Variants in ZNF568 observed in about 807,000 individuals in gnomAD.
ZNF568 encodes the protein zinc finger protein 568, also known as p53 inhibitor of SCO2 activation.
In ZNF568, 11 loss-of-function variants were observed where a neutral mutation model predicts 18.1. The ratio of observed to expected loss-of-function variants is 0.61; its 90% confidence interval spans 0.38 to 1.00. ZNF568 has a LOEUF of 1.00. Among genes scored for constraint, ZNF568 ranks in the 50% least tolerant of loss-of-function variants. ZNF568 has a pLI of 0.01. For missense variants in ZNF568, 639 were observed against 768.2 expected (o/e 0.83, Z 1.99); for synonymous variants, 213 against 246.6 (o/e 0.86, Z 1.28).
Position 36,951,223 on chromosome 19 carries a change from ATACCATATAC to A in ZNF568, c.*136_*145del. On this transcript the variant is annotated 3_prime_UTR_variant, in exon 7 of 7. Coordinates refer to ENST00000333987, the MANE Select transcript of ZNF568 (RefSeq NM_198539.4). Reference sequence around the variant, plus strand: ...GTAAGACTGGAATAAATGGAAAGAAATACCATATACATAGATGGAAAAACCCAGTATTATA... The same window carrying A: ...GTAAGACTGGAATAAATGGAAAGAAAATAGATGGAAAAACCCAGTATTATA... 1.2e-6 allele frequency: 1 copy of A among 815,870 alleles called. No homozygotes were observed. Among genetic ancestry groups the A allele is most frequent in the Non-Finnish European group, 1.7e-6 (1 of 578,070 alleles). The allele number at this position is 815,870 out of a possible 1,614,324, so 50.5% of individuals were successfully genotyped here.
intron 6 of ZNF568, among the ~76,000 whole-genome samples, chr19:36,938,539 C>G (rs781701683): frequency 1.3e-5 from 2 of 152,120 alleles, no homozygotes; most frequent in Non-Finnish European, 2.9e-5. Flanking sequence ...AAACAAAATC[C>G]TGTCTTTATG....
intron 3 of ZNF568, 90 bp downstream of exon 3, chr19:36,922,936 AGG>A (rs2073482920): frequency 9.0e-7 from 1 of 1,104,998 alleles, no homozygotes. Context: ...CTACTGAGAA[AGG>A]TCACGTATGT....
rs1667362 is a variant in ZNF568, at chr19:36,996,447, T to A, written c.360T>A (p.His120Gln). ...GCCAGGTGGAGAGACAACAGGGTCA[T>A]CAGGAGGGACATTTCAGACCAGCTG... is the stretch of plus-strand genomic sequence containing the variant. Residue 120 changes from histidine (H) to glutamine (Q), a missense_variant, in exon 5 of 5, where the codon CAT becomes CAA. Transcript: ENST00000433993. 4.6e-3 allele frequency: 7,047 copies of A among 1,536,338 alleles called. 281 individuals are homozygous for A. In the African/African-American group the frequency reaches 0.084, roughly 18 times the overall value.
intron 3 of ZNF568, chr19:36,991,423 T>A (rs555599206): frequency 7.9e-7 from 1 of 1,265,650 alleles, no homozygotes; most frequent in African/African-American, 1.5e-5. Flanking sequence ...GATGAGTTAA[T>A]GTTTCTTGCT....
chr19:36,922,569 T>G lies in ZNF568; in HGVS notation c.-185-17T>G, dbSNP rs1483992822. 8 of 435,238 alleles carry G rather than the reference T, an allele frequency of 1.8e-5. No homozygotes were observed. Among genetic ancestry groups the G allele is most frequent in the Non-Finnish European group, 2.9e-5 (7 of 244,534 alleles). 27.0% of individuals were successfully genotyped at this position (435,238 alleles called of 1,614,324 possible). A position where few individuals can be genotyped will look rare whatever the true frequency, so the allele number is the denominator to read the frequency against. On this transcript the variant is annotated splice_polypyrimidine_tract_variant and intron_variant, in intron 2 of 6. Coordinates refer to ENST00000333987, the MANE Select transcript of ZNF568 (RefSeq NM_198539.4). Reference sequence around the variant, plus strand: ...GAGAAGGCACCAGGTAAATTAGATTTATATCCTAATCCACAGGTCCTGGTT... The same window carrying G: ...GAGAAGGCACCAGGTAAATTAGATTGATATCCTAATCCACAGGTCCTGGTT...
intron 4 of ZNF568, among the ~76,000 whole-genome samples, chr19:36,933,390 A>G (rs934541396): frequency 5.4e-5 from 8 of 147,308 alleles, no homozygotes; most frequent in Non-Finnish European, 1.0e-4. Flanking sequence ...TTATTTGCTA[A>G]TTTGTTGGAT....
intron 6 of ZNF568, among the ~76,000 whole-genome samples, chr19:36,944,543 T>A (rs1269403703): frequency 2.0e-5 from 3 of 152,196 alleles, no homozygotes; most frequent in Non-Finnish European, 4.4e-5. Flanking sequence ...TCATATATAT[T>A]TCTCACCCTT....
chr19:36,925,737 G>A (rs1268499844), intron 4 of ZNF568, among the ~76,000 whole-genome samples: 5 of 151,740 alleles, frequency 3.3e-5, no homozygotes, highest in East Asian at 1.9e-4. Flanking sequence ...TTTTCTTGTC[G>A]TTTTCTAAAC....
At chr19:36,923,025 A>C (rs2073484384) in intron 3 of ZNF568, among the ~76,000 whole-genome samples, 179 bp downstream of exon 3, 1 of 115,362 alleles carries the variant, frequency 8.7e-6, no homozygotes, top group Non-Finnish European at 1.8e-5. Flanking sequence ...TAAATTTTGA[A>C]ATGCAATTTT....
chr19:36,974,598 T>C (rs1011503892), intron 7 of ZNF568: 8 of 921,760 alleles, frequency 8.7e-6, no homozygotes, highest in South Asian at 1.6e-5. Context: ...ACTGCATTTA[T>C]GTAGCATTTT....
At chr19:36,962,587 C>T (rs771582458) in intron 6 of ZNF568, among the ~76,000 whole-genome samples, 1 of 152,032 alleles carries the variant, frequency 6.6e-6, no homozygotes, top group East Asian at 1.9e-4. Context: ...GTGATCCACC[C>T]GCTTCGACCT....
chr19:36,997,527 TCA>T, downstream of ZNF568: 1 of 1,588,092 alleles, frequency 6.3e-7, no homozygotes, highest in Non-Finnish European at 8.5e-7. Context: ...ATGAGAGAAG[TCA>T]CACTGGTGAG....
chr19:36,927,899 ATATATTTTTTTTTT>A (rs2073605360), intron 4 of ZNF568, among the ~76,000 whole-genome samples: 2 of 24,106 alleles, frequency 8.3e-5, no homozygotes, highest in African/African-American at 5.3e-4. Flanking sequence ...ATATATATAT[ATATATTTTTTTTTT>A]TTTTTTTTTT....
intron 6 of ZNF568, among the ~76,000 whole-genome samples, chr19:36,971,237 A>G (rs1644641): frequency 0.36 from 53,182 of 147,752 alleles, 9,736 homozygotes; most frequent in African/African-American, 0.41. Context: ...CCGTCTCAAG[A>G]AAAAAAAAAA....
chr19:36,981,612 C>T (rs1037497736), downstream of ZNF568, among the ~76,000 whole-genome samples: 1 of 152,234 alleles, frequency 6.6e-6, no homozygotes, highest in South Asian at 2.1e-4. Context: ...CTGTGACTCA[C>T]GCCTGTAACC....
intron 2 of ZNF568, among the ~76,000 whole-genome samples, chr19:36,989,766 G>C (rs886841548): frequency 1.3e-5 from 2 of 151,968 alleles, no homozygotes; most frequent in African/African-American, 2.4e-5. Context: ...TGTTGGTCTT[G>C]AACTCCTGGG....
At chr19:36,962,290 T>TTG (rs2074159563) in intron 6 of ZNF568, among the ~76,000 whole-genome samples, 1 of 144,250 alleles carries the variant, frequency 6.9e-6, no homozygotes, top group Admixed American at 7.0e-5. Context: ...TTTTTTTTTT[T>TTG]TTTTTTTTTT....
downstream of ZNF568, chr19:36,997,240 A>C: frequency 1.2e-6 from 2 of 1,608,434 alleles, no homozygotes; most frequent in Non-Finnish European, 1.7e-6. Flanking sequence ...GAAAGCCTTT[A>C]TCTCTGATTC....
intron 6 of ZNF568, among the ~76,000 whole-genome samples, chr19:36,965,881 A>G (rs2074190807): frequency 6.6e-6 from 1 of 151,624 alleles, no homozygotes; most frequent in Non-Finnish European, 1.5e-5. Context: ...TTGTATTTTT[A>G]GTAGAGACAG....
Sources: allele counts gnomAD v4.1 joint callset (sites outside exome capture counted in the v4.1 genomes callset), GRCh38; gene constraint gnomAD v4.1.1; transcripts MANE v1.5; gene names NCBI Gene and HGNC (gene_info 2026-07-23, HGNC 2026-07-21).